FAR2: variants seen among roughly 807,000 people sequenced by gnomAD.
FAR2 encodes epididymis secretory protein Li 81.
Under a neutral mutation model 56.0 loss-of-function variants are expected in FAR2, and 19 were observed. That is an observed-to-expected ratio of 0.34 (90% CI 0.24 to 0.50). FAR2 has a LOEUF of 0.50. FAR2 is among the 20% of genes least tolerant of loss of function. FAR2 has a pLI of 0.98. For synonymous variants in FAR2, 219 were observed against 218.8 expected, an observed-to-expected ratio of 1.00 and a Z score of -0.01; for missense variants, 508 against 642.2, an observed-to-expected ratio of 0.79 and a Z score of 2.26.
chr12:29,219,524 G>A (rs547887499), intron 1 of FAR2, among the ~76,000 whole-genome samples: 1 of 152,234 alleles, frequency 6.6e-6, no homozygotes, highest in African/African-American at 2.4e-5. Context: ...GTTCACTGCT[G>A]TACATCAGCA....
chr12:29,296,278 G>T (rs1474712137), intron 3 of FAR2, among the ~76,000 whole-genome samples: 1 of 152,142 alleles, frequency 6.6e-6, no homozygotes, highest in Non-Finnish European at 1.5e-5. Context: ...GTAGTAGTGT[G>T]ATTGTAGGCA....
chr12:29,190,963 A>C (rs1488022323), intron 1 of FAR2, among the ~76,000 whole-genome samples: 1 of 152,094 alleles, frequency 6.6e-6, no homozygotes, highest in Non-Finnish European at 1.5e-5. Context: ...TCTGAAATAC[A>C]ATGTTCTGTT....
intron 1 of FAR2, among the ~76,000 whole-genome samples, chr12:29,177,820 T>C: frequency 8.2e-6 from 1 of 122,380 alleles, no homozygotes; most frequent in East Asian, 2.5e-4. Flanking sequence ...TAAATAGCTA[T>C]TGTAGTATAA....
chr12:29,229,688 C>T (rs953944992), intron 1 of FAR2, among the ~76,000 whole-genome samples: 1 of 152,146 alleles, frequency 6.6e-6, no homozygotes, highest in Non-Finnish European at 1.5e-5. Flanking sequence ...AACTCCTGCC[C>T]TCATGGAGTT....
chr12:29,262,243 A>G (rs1220470674), intron 1 of FAR2, among the ~76,000 whole-genome samples: 1 of 152,026 alleles, frequency 6.6e-6, no homozygotes, highest in Non-Finnish European at 1.5e-5. Context: ...TTAAGTTGTC[A>G]TGGGTTTAAA....
At position 29,183,896 on chromosome 12, in the gene FAR2, A is replaced by G. The variant is rs143381333; in HGVS notation, c.-39+34489A>G. ...ATGAACATTTACTAGATGCCTTCAG[A>G]TTTTCAGAATCTATACCACCTCATT... On this transcript the variant is annotated intron_variant, in intron 1 of 11. Coordinates refer to ENST00000536681, the MANE Select transcript of FAR2 (RefSeq NM_001271783.2). Among the ~76,000 whole-genome samples, 1,410 of 152,322 alleles carry G rather than the reference A, an allele frequency of 9.3e-3. 5 individuals are homozygous for G. The highest frequency in any genetic ancestry group is 0.041 in the Middle Eastern group (12 of 294).
rs201409753 is a variant in FAR2, at chr12:29,253,108, T to C, written c.-38-17304T>C. ...CCACCCTGCTAGCCTAACCTGCAGA[T>C]TTTAAACTTGCCAAGCCTCCACAAC... On this transcript the variant is annotated intron_variant, in intron 1 of 11. Transcript: ENST00000536681. Among the ~76,000 whole-genome samples the C allele has an allele frequency of 5.9e-5, 9 of 152,150 alleles. No individual in the cohort carries two copies. In the East Asian group the frequency reaches 1.4e-3, roughly 23 times the overall value.
Position 29,254,164 on chromosome 12 carries a change from G to A in FAR2, c.-38-16248G>A, listed in dbSNP as rs556206505. Among the ~76,000 whole-genome samples, 29 of 152,034 alleles carry A rather than the reference G, an allele frequency of 1.9e-4. No individual in the cohort carries two copies. In the South Asian group the frequency reaches 4.8e-3, roughly 25 times the overall value. On this transcript the variant is annotated intron_variant, in intron 1 of 11. Coordinates refer to ENST00000536681, the MANE Select transcript of FAR2 (RefSeq NM_001271783.2). Reference sequence around the variant, plus strand: ...CCAACAGCTGTCCACAATTCCCCTGGGAGTTAATATTCCTTTACCAGGAAC... The same window carrying A: ...CCAACAGCTGTCCACAATTCCCCTGAGAGTTAATATTCCTTTACCAGGAAC...
At chr12:29,302,066 T>C (rs924361762) in intron 4 of FAR2, 6 of 151,774 alleles carry the variant, frequency 4.0e-5, no homozygotes, top group African/African-American at 9.7e-5. Context: ...CCGTCTCTAC[T>C]AAAAATACAA....
intron 1 of FAR2, among the ~76,000 whole-genome samples, chr12:29,240,660 G>C (rs2136663531): frequency 6.6e-6 from 1 of 152,202 alleles, no homozygotes; most frequent in African/African-American, 2.4e-5. Context: ...GCAGCGTTTA[G>C]TAACTATATC....
chr12:29,256,152 G>A lies in FAR2; in HGVS notation c.-38-14260G>A, dbSNP rs532490512. On this transcript the variant is annotated intron_variant, in intron 1 of 11. Transcript: ENST00000536681. ...CTCCCAGAGTGCTAGGATTACAAGCGTGAGCCACTGCACCCGGCCTTATTA... is the reference window on the plus strand; with the variant it reads ...CTCCCAGAGTGCTAGGATTACAAGCATGAGCCACTGCACCCGGCCTTATTA... Among the ~76,000 whole-genome samples the A allele has an allele frequency of 7.9e-5, 12 of 151,794 alleles. No homozygotes were observed. In the South Asian group the frequency reaches 2.1e-3, roughly 26 times the overall value.
intron 2 of FAR2, among the ~76,000 whole-genome samples, chr12:29,276,955 T>C (rs924482167): frequency 6.6e-6 from 1 of 150,776 alleles, no homozygotes; most frequent in African/African-American, 2.4e-5. Context: ...AAAAAAAAAA[T>C]AGATAAAATA....
chr12:29,271,868 A>C (rs1948624164), intron 2 of FAR2, among the ~76,000 whole-genome samples: 1 of 152,198 alleles, frequency 6.6e-6, no homozygotes, highest in East Asian at 1.9e-4. Flanking sequence ...ATAGATGGGG[A>C]AACTGAGGCC....
chr12:29,291,221 T>C (rs1948960313), intron 2 of FAR2, among the ~76,000 whole-genome samples: 1 of 152,174 alleles, frequency 6.6e-6, no homozygotes, highest in African/African-American at 2.4e-5. Context: ...ATATAAGCCC[T>C]GAATTTAAGA....
At chr12:29,159,445 G>T (rs1387070271) in intron 1 of FAR2, among the ~76,000 whole-genome samples, 1 of 151,556 alleles carries the variant, frequency 6.6e-6, no homozygotes, top group Non-Finnish European at 1.5e-5. Flanking sequence ...GGCTGAGGCA[G>T]GAGAATGGTG....
At chr12:29,167,020 C>G (rs936382309) in intron 1 of FAR2, among the ~76,000 whole-genome samples, 9 of 152,158 alleles carry the variant, frequency 5.9e-5, no homozygotes, top group African/African-American at 2.2e-4. Flanking sequence ...CTATTCCTAC[C>G]CTTTTTATTT....
chr12:29,251,887 T>A (rs183997955), intron 1 of FAR2, among the ~76,000 whole-genome samples: 2 of 152,228 alleles, frequency 1.3e-5, no homozygotes, highest in East Asian at 3.9e-4. Context: ...AAGGGGTGAA[T>A]GTCAGAGTGG....
rs117487716 is a variant in FAR2 at position 29,279,381 on chromosome 12, C to T, written c.189+8743C>T. ...GCCTTTACCTCCCACACATGAATGC[C>T]CAATCTTTCAATAGGTCATCCTCTA... On this transcript the variant is annotated intron_variant, in intron 2 of 11. Transcript: ENST00000536681. Among the ~76,000 whole-genome samples the T allele has an allele frequency of 1.2e-4, 18 of 152,254 alleles. No individual in the cohort carries two copies. The East Asian group carries it at 3.5e-3, about 29-fold the overall frequency.
intron 1 of FAR2, among the ~76,000 whole-genome samples, chr12:29,186,766 AT>A (rs1373224324): frequency 6.0e-5 from 1 of 16,666 alleles, no homozygotes; most frequent in African/African-American, 1.1e-4. Context: ...TTATTTATTT[AT>A]TTATTTATTT....
Sources: gnomAD v4.1 joint callset for allele counts (sites outside exome capture counted in the v4.1 genomes callset) on GRCh38, gnomAD v4.1.1 for gene constraint, MANE v1.5 for transcripts, NCBI Gene and HGNC (gene_info 2026-07-23, HGNC 2026-07-21) for gene names.